The following PCDHGB3 variants were observed in gnomAD, a reference collection of about 807,000 sequenced individuals.
The protein encoded by PCDHGB3 is protocadherin gamma subfamily B, 3.
In PCDHGB3, 40 loss-of-function variants were observed where a neutral mutation model predicts 59.2. That is an observed-to-expected ratio of 0.68 (90% CI 0.52 to 0.88). The LOEUF (loss-of-function observed/expected upper bound fraction) is 0.88. PCDHGB3 is among the 40% of genes least tolerant of loss of function. The pLI is 0.00. For synonymous variants in PCDHGB3, 581 were observed against 503.6 expected (o/e 1.15, Z -2.06); for missense variants, 1,309 against 1,187.9 (o/e 1.10, Z -1.50).
chr5:141,476,416 A>C lies in PCDHGB3; in HGVS notation c.2416-18391A>C, dbSNP rs2099391138. On this transcript the variant is annotated intron_variant, in intron 1 of 3. Coordinates refer to ENST00000576222, the MANE Select transcript of PCDHGB3 (RefSeq NM_018924.5). The surrounding 1 kb of genome is among the most constrained non-coding windows in gnomAD (Gnocchi z 7.6). ...TGGATCGAGAGGAGCTGTGTGGGACACTGCCCTCTTGCACTGTAACTCTGG... is the reference window on the plus strand; with the variant it reads ...TGGATCGAGAGGAGCTGTGTGGGACCCTGCCCTCTTGCACTGTAACTCTGG... 6.2e-7 allele frequency: 1 copy of C among 1,614,056 alleles called. No homozygotes were observed. The highest frequency in any genetic ancestry group is 8.5e-7 in the Non-Finnish European group (1 of 1,179,994).
chr5:141,472,980 CA>C (rs60579131), intron 1 of PCDHGB3, among the ~76,000 whole-genome samples: 39,687 of 85,940 alleles, frequency 0.46, 5,633 homozygotes, highest in African/African-American at 0.56. Flanking sequence ...GAGTGAAACT[CA>C]AAAAAAAAAA....
At chr5:141,376,011 T>C (rs1173303153) in intron 1 of PCDHGB3, 1 of 1,613,332 alleles carries the variant, frequency 6.2e-7, no homozygotes, top group Non-Finnish European at 8.5e-7. Context: ...CAGAGCCTAG[T>C]GGTGGCCGTC....
In PCDHGB3 at chr5:141,418,905, T is replaced by C. The variant is rs144920415; in HGVS notation, c.2415+46096T>C. The C allele has an allele frequency of 5.0e-6, 8 of 1,613,944 alleles. No homozygotes were observed. The East Asian group carries it at 1.8e-4, about 36-fold the overall frequency. ...AACGACAACAGCCCAGAAATAATCA[T>C]CACGTCACTCTCTGATCAGATTATG... On this transcript the variant is annotated intron_variant, in intron 1 of 3. Coordinates refer to ENST00000576222, the MANE Select transcript of PCDHGB3 (RefSeq NM_018924.5).
chr5:141,484,866 C>A (rs1474623432), intron 1 of PCDHGB3: 9 of 275,500 alleles, frequency 3.3e-5, no homozygotes, highest in Non-Finnish European at 5.5e-5. Context: ...GGTGGGGGAG[C>A]GTGGAGGATA....
At position 141,444,152 on chromosome 5, in the gene PCDHGB3, A is replaced by ATT. The variant is rs747671382; in HGVS notation, c.2416-50620_2416-50619dup. ...GATATGTGTCACTTGTGTGTACTGG[A>ATT]TTTTTTTTTTTTTTTTTTTTTTTTT... On this transcript the variant is annotated intron_variant, in intron 1 of 3. Coordinates refer to ENST00000576222, the MANE Select transcript of PCDHGB3 (RefSeq NM_018924.5). Among the ~76,000 whole-genome samples, 286 of 33,894 alleles carry ATT rather than the reference A, an allele frequency of 8.4e-3. 107 individuals carry two copies. The highest frequency in any genetic ancestry group is 0.011 in the African/African-American group (76 of 7,180). The allele number at this position is 33,894 out of a possible 152,430, so 22.2% of individuals were successfully genotyped here. A position where few individuals can be genotyped will look rare whatever the true frequency, so the allele number is the denominator to read the frequency against.
chr5:141,433,223 T>C lies in PCDHGB3; in HGVS notation c.2415+60414T>C, dbSNP rs2097577369. On this transcript the variant is annotated intron_variant, in intron 1 of 3. Coordinates refer to ENST00000576222, the MANE Select transcript of PCDHGB3 (RefSeq NM_018924.5). The stretch of plus-strand genomic sequence containing the variant: ...AATCTTCTTTCTTTTTTTTTTTTAA[T>C]TGCTCTGTCTCCCAAGCTGGAATGC... The C allele has an allele frequency of 4.6e-6, 7 of 1,525,952 alleles. No individual in the cohort carries two copies. In the East Asian group the frequency reaches 1.6e-4, roughly 34 times the overall value. The allele number at this position is 1,525,952 out of a possible 1,614,324, so 94.5% of individuals were successfully genotyped here. A position where few individuals can be genotyped will look rare whatever the true frequency, so the allele number is the denominator to read the frequency against.
chr5:141,380,805 G>A (rs1776753449), intron 1 of PCDHGB3, among the ~76,000 whole-genome samples: 1 of 152,204 alleles, frequency 6.6e-6, no homozygotes, highest in Non-Finnish European at 1.5e-5. Context: ...AAACAAATGT[G>A]AGATGAAACT....
At chr5:141,389,283 G>C in intron 1 of PCDHGB3, 1 of 1,614,022 alleles carries the variant, frequency 6.2e-7, no homozygotes. Flanking sequence ...CCCGCCTGGA[G>C]CCTCTATTTC....
At chr5:141,445,086 A>T (rs190267063) in intron 1 of PCDHGB3, among the ~76,000 whole-genome samples, 163 of 152,322 alleles carry the variant, frequency 1.1e-3, no homozygotes, top group African/African-American at 3.6e-3. Flanking sequence ...TTGTCCCTAC[A>T]TATTTGATGT....
intron 1 of PCDHGB3, chr5:141,375,578 G>A (rs2150062565): frequency 1.9e-6 from 3 of 1,614,062 alleles, no homozygotes; most frequent in Non-Finnish European, 2.5e-6. Context: ...CCTCCAGGGG[G>A]CGCCCCTGTC....
At chr5:141,488,991 T>G in intron 1 of PCDHGB3, 1 of 414,332 alleles carries the variant, frequency 2.4e-6, no homozygotes, top group Non-Finnish European at 4.3e-6. Flanking sequence ...AGAGCTGAGG[T>G]GGGAGATCTG....
Position 141,484,782 on chromosome 5 carries a change from C to A in PCDHGB3, c.2416-10025C>A, listed in dbSNP as rs572593816. 2.0e-5 allele frequency among the ~76,000 whole-genome samples: 3 copies of A among 152,066 alleles called. No homozygotes were observed. In the South Asian group the frequency reaches 6.3e-4, roughly 32 times the overall value. On this transcript the variant is annotated intron_variant, in intron 1 of 3. Transcript: ENST00000576222. Reference sequence around the variant, plus strand: ...TATATATATGTTGTCTGCCTCCCCACAGAGATAACAACCCGTGGAAAAACA... The same window carrying A: ...TATATATATGTTGTCTGCCTCCCCAAAGAGATAACAACCCGTGGAAAAACA...
At position 141,491,201 on chromosome 5, in the gene PCDHGB3, C is replaced by T. The variant is rs752813291; in HGVS notation, c.2416-3606C>T. The T allele has an allele frequency of 3.7e-6, 6 of 1,614,226 alleles. No homozygotes were observed. The Admixed American group carries it at 5.0e-5, about 13-fold the overall frequency. On this transcript the variant is annotated intron_variant, in intron 1 of 3. Transcript: ENST00000576222. This position sits in a 1 kb window ranked among gnomAD's most constrained non-coding sequence, Gnocchi z 6.9. ...GTCCTGGTGAGGGACAATGGTGACCCTTCACTCTCCTCCACAGCCACAGTG... is the reference window on the plus strand; with the variant it reads ...GTCCTGGTGAGGGACAATGGTGACCTTTCACTCTCCTCCACAGCCACAGTG...
rs1248983040 is a variant in PCDHGB3, at chr5:141,476,937, G to T, written c.2416-17870G>T. 3.1e-6 allele frequency: 5 copies of T among 1,614,186 alleles called. No homozygotes were observed. Among genetic ancestry groups the T allele is most frequent in the Non-Finnish European group, 4.2e-6 (5 of 1,180,050 alleles). The stretch of plus-strand genomic sequence containing the variant: ...GTCCTTGCAACGGATCTGGATGAAG[G>T]CCCCAACGGTGAAATTATTTACTCC... On this transcript the variant is annotated intron_variant, in intron 1 of 3. Coordinates refer to ENST00000576222, the MANE Select transcript of PCDHGB3 (RefSeq NM_018924.5). This position sits in a 1 kb window ranked among gnomAD's most constrained non-coding sequence, Gnocchi z 7.6.
In PCDHGB3 at chr5:141,404,750, C is replaced by G. The variant is rs1321458841; in HGVS notation, c.2415+31941C>G. The stretch of plus-strand genomic sequence containing the variant: ...GGTGGCAGTGGACAGAGACTCAGGC[C>G]AGAATGCTTGGCTCTCCTACCGCCT... On this transcript the variant is annotated intron_variant, in intron 1 of 3. Coordinates refer to ENST00000576222, the MANE Select transcript of PCDHGB3 (RefSeq NM_018924.5). 10 of 1,613,702 alleles carry G rather than the reference C, an allele frequency of 6.2e-6. No homozygotes were observed. In the African/African-American group the frequency reaches 1.3e-4, roughly 22 times the overall value.
chr5:141,427,052 C>T (rs79280874), intron 1 of PCDHGB3: 9,800 of 457,514 alleles, frequency 0.021, 162 homozygotes, highest in Middle Eastern at 0.051. Flanking sequence ...TGCCCCCAGG[C>T]ACCTCTGTAC....
In PCDHGB3 at chr5:141,432,725, G is replaced by T; in HGVS notation, c.2415+59916G>T. The T allele has an allele frequency of 6.2e-7, 1 of 1,614,014 alleles. No individual in the cohort carries two copies. On this transcript the variant is annotated intron_variant, in intron 1 of 3. Coordinates refer to ENST00000576222, the MANE Select transcript of PCDHGB3 (RefSeq NM_018924.5). The surrounding 1 kb of genome is among the most constrained non-coding windows in gnomAD (Gnocchi z 6.0). ...GGACCACGGCCAGCCCCCTCTCTCC[G>T]CCACTGTCACGCTCACCGTGGCCGT...
In PCDHGB3 at chr5:141,371,464, A is replaced by G. The variant is rs756446984; in HGVS notation, c.1070A>G (p.Gln357Arg). The G allele has an allele frequency of 3.7e-6, 6 of 1,613,830 alleles. No individual in the cohort carries two copies. Among genetic ancestry groups the G allele is most frequent in the Non-Finnish European group, 5.1e-6 (6 of 1,179,870 alleles). ...CTGGCTTCTGAATCCCAACATATAC[A>G]AGAAGATGCTGAGCTGGGGACTGCC... is the stretch of plus-strand genomic sequence containing the variant. Reference protein sequence around the residue: ...ITLASESQHIQEDAELGTAVA... With the variant: ...ITLASESQHIREDAELGTAVA... The change falls in exon 1 of 4, where the codon CAA (glutamine) becomes CGA (arginine). Residue 357 changes from glutamine to arginine, a missense_variant. By Grantham distance (43) the Gln-to-Arg change is conservative (BLOSUM62 1). Coordinates refer to ENST00000576222, the MANE Select transcript of PCDHGB3 (RefSeq NM_018924.5).
intron 2 of PCDHGB3, among the ~76,000 whole-genome samples, chr5:141,502,024 C>T (rs2099812413): frequency 2.0e-5 from 3 of 152,152 alleles, no homozygotes; most frequent in Admixed American, 1.3e-4. Context: ...TCCCTGCAAC[C>T]CCCGCCGCTT....
Sources: allele counts gnomAD v4.1 joint callset (sites outside exome capture counted in the v4.1 genomes callset), GRCh38; gene constraint gnomAD v4.1.1; non-coding constraint Gnocchi (gnomAD v3.1); transcripts MANE v1.5; gene names NCBI Gene and HGNC (gene_info 2026-07-23, HGNC 2026-07-21).